CDKN1A: variants seen among roughly 807,000 people sequenced by gnomAD.
CDKN1A encodes the protein cyclin-dependent kinase inhibitor 1.
A neutral mutation model predicts 14.8 loss-of-function variants in CDKN1A; 14 were observed. The observed-to-expected ratio is 0.94, with a 90% CI of 0.62 to 1.48. The LOEUF (loss-of-function observed/expected upper bound fraction) is 1.48. Among genes scored for constraint, CDKN1A ranks in the 40% most tolerant of loss-of-function variants. CDKN1A has a pLI of 0.00. For synonymous variants in CDKN1A, 92 were observed against 93.5 expected (o/e 0.98, Z 0.09); for missense variants, 203 against 231.7 (o/e 0.88, Z 0.80).
At chr6:36,676,840 T>G (rs192874397), upstream of CDKN1A, among the ~76,000 whole-genome samples, 7 of 152,216 alleles carry the variant, frequency 4.6e-5, no homozygotes, top group Admixed American at 4.6e-4. Flanking sequence ...TTAAGAAATA[T>G]TGAATGTCGT....
At chr6:36,677,220 C>T (rs1045221387), upstream of CDKN1A, among the ~76,000 whole-genome samples, 5 of 152,080 alleles carry the variant, frequency 3.3e-5, no homozygotes, top group African/African-American at 7.2e-5. Context: ...GACTCCAGGG[C>T]GAGGCAGGCC....
At position 36,685,822 on chromosome 6, in the gene CDKN1A, G is replaced by C. The variant is rs775069456; in HGVS notation, c.*22G>C. 1.5e-5 allele frequency: 24 copies of C among 1,612,868 alleles called. No homozygotes were observed. In the Admixed American group the frequency reaches 4.0e-4, roughly 27 times the overall value. On this transcript the variant is annotated 3_prime_UTR_variant, in exon 3 of 3. Coordinates refer to ENST00000244741, the MANE Select transcript of CDKN1A (RefSeq NM_000389.5). ...CTAATCCGCCCACAGGAAGCCTGCA[G>C]TCCTGGAAGCGCGAGGGCCTCAAAG...
In CDKN1A at chr6:36,680,307, C is replaced by CGTGTGTGTGTGTGTGTGT. The variant is rs59454180; in HGVS notation, c.-6+1530_-6+1547dup. ...GCGCGCGCGTGCGTGTCTGCGCGGG[C>CGTGTGTGTGTGTGTGTGT]GTGTGTGTGTGTGTGTGTGTGTGTG... is the stretch of plus-strand genomic sequence containing the variant. On this transcript the variant is annotated intron_variant, in intron 1 of 2. Coordinates refer to ENST00000244741, the MANE Select transcript of CDKN1A (RefSeq NM_000389.5). Among the ~76,000 whole-genome samples, 526 of 133,242 alleles carry CGTGTGTGTGTGTGTGTGT rather than the reference C, an allele frequency of 3.9e-3. 13 individuals are homozygous for CGTGTGTGTGTGTGTGTGT. Among genetic ancestry groups the CGTGTGTGTGTGTGTGTGT allele is most frequent in the Non-Finnish European group, 6.2e-3 (385 of 62,452 alleles). The allele number at this position is 133,242 out of a possible 152,430, so 87.4% of individuals were successfully genotyped here. A position where few individuals can be genotyped will look rare whatever the true frequency, so the allele number is the denominator to read the frequency against.
At chr6:36,681,316 C>CTTTCTTTCT (rs1761955622) in intron 1 of CDKN1A, among the ~76,000 whole-genome samples, 1 of 126,774 alleles carries the variant, frequency 7.9e-6, no homozygotes, top group Non-Finnish European at 1.7e-5. Context: ...TTCTTTCTTT[C>CTTTCTTTCT]TTTCTTTCTT....
chr6:36,685,810 A>G lies in CDKN1A; in HGVS notation c.*10A>G, dbSNP rs1396765368. ...CAAGAGGAAGCCCTAATCCGCCCAC[A>G]GGAAGCCTGCAGTCCTGGAAGCGCG... On this transcript the variant is annotated 3_prime_UTR_variant, in exon 3 of 3. Coordinates refer to ENST00000244741, the MANE Select transcript of CDKN1A (RefSeq NM_000389.5). 9 of 1,614,018 alleles carry G rather than the reference A, an allele frequency of 5.6e-6. No homozygotes were observed. Among genetic ancestry groups the G allele is most frequent in the Non-Finnish European group, 7.6e-6 (9 of 1,179,876 alleles).
chr6:36,684,097 G>C lies in CDKN1A; in HGVS notation c.-5G>C, dbSNP rs987429961. ...GGCCTTCCTTGTATCTCTGCTGCAG[G>C]CGCCATGTCAGAACCGGCTGGGGAT... On this transcript the variant is annotated splice_region_variant and 5_prime_UTR_variant, in exon 2 of 3. Coordinates refer to ENST00000244741, the MANE Select transcript of CDKN1A (RefSeq NM_000389.5). The surrounding 1 kb of genome is among the most constrained non-coding windows in gnomAD (Gnocchi z 6.0). 1.9e-6 allele frequency: 3 copies of C among 1,613,316 alleles called. No individual in the cohort carries two copies. The highest frequency in any genetic ancestry group is 1.7e-6 in the Non-Finnish European group (2 of 1,179,968).
In CDKN1A at chr6:36,678,762, G is replaced by A; in HGVS notation, c.-42G>A. On this transcript the variant is annotated 5_prime_UTR_variant, in exon 1 of 3. Transcript: ENST00000244741. The surrounding 1 kb of genome is among the most constrained non-coding windows in gnomAD (Gnocchi z 5.7). ...CAGTTCCTTGTGGAGCCGGAGCTGG[G>A]CGCGGATTCGCCGAGGCACCGAGGC... 1.0e-6 allele frequency: 1 copy of A among 985,794 alleles called. No homozygotes were observed. Among genetic ancestry groups the A allele is most frequent in the Non-Finnish European group, 1.2e-6 (1 of 830,186 alleles). The allele number at this position is 985,794 out of a possible 1,614,324, so 61.1% of individuals were successfully genotyped here.
rs1762243441 is a variant in CDKN1A, at chr6:36,687,284, A to G, written c.*1484A>G. 8.6e-6 allele frequency: 2 copies of G among 232,836 alleles called. No homozygotes were observed. Among genetic ancestry groups the G allele is most frequent in the African/African-American group, 4.4e-5 (2 of 45,302 alleles). 14.4% of individuals were successfully genotyped at this position (232,836 alleles called of 1,614,324 possible). Reference sequence around the variant, plus strand: ...CTGTGTCTTTCACAGCTCCTCCCACAATGCTGAATATACAGCAGGTGCTCA... The same window carrying G: ...CTGTGTCTTTCACAGCTCCTCCCACGATGCTGAATATACAGCAGGTGCTCA... On this transcript the variant is annotated 3_prime_UTR_variant, in exon 3 of 3. Coordinates refer to ENST00000244741, the MANE Select transcript of CDKN1A (RefSeq NM_000389.5).
upstream of CDKN1A, chr6:36,677,854 G>A (rs1761745105): frequency 2.2e-6 from 3 of 1,366,684 alleles, no homozygotes; most frequent in South Asian, 2.4e-5. Flanking sequence ...GAGTATTCAG[G>A]AGACAGACAA....
At chr6:36,680,772 C>T (rs1055993807) in intron 1 of CDKN1A, 2 of 152,230 alleles carry the variant, frequency 1.3e-5, no homozygotes, top group Admixed American at 6.5e-5. Flanking sequence ...ACAGTATTCA[C>T]TGAGCTCTTA....
chr6:36,679,692 C>T (rs1347722882), intron 1 of CDKN1A, among the ~76,000 whole-genome samples: 2 of 152,202 alleles, frequency 1.3e-5, no homozygotes, highest in South Asian at 2.1e-4. Flanking sequence ...CTGCTCTGGG[C>T]GGGCTCTAAC....
At chr6:36,679,057 T>C (rs2150305460) in intron 1 of CDKN1A, 1 of 863,744 alleles carries the variant, frequency 1.2e-6, no homozygotes, top group South Asian at 5.3e-5. Context: ...GGATTACAAG[T>C]ACAGGAATCC....
At position 36,684,194 on chromosome 6, in the gene CDKN1A, C is replaced by A. The variant is rs1801270; in HGVS notation, c.93C>A (p.Ser31Arg). The change falls in exon 2 of 3, where the codon AGC becomes AGA. Residue 31 changes from serine to arginine, a missense_variant. Coordinates refer to ENST00000244741, the MANE Select transcript of CDKN1A (RefSeq NM_000389.5). This position sits in a 1 kb window ranked among gnomAD's most constrained non-coding sequence, Gnocchi z 6.0. ...GCCCAGTGGACAGCGAGCAGCTGAG[C>A]CGCGACTGTGATGCGCTAATGGCGG... ...LFGPVDSEQLSRDCDALMAGC... is the reference protein window; with the variant it reads ...LFGPVDSEQLRRDCDALMAGC... 159,422 of 1,611,622 alleles carry A rather than the reference C, an allele frequency of 0.099. 14,561 individuals are homozygous for A. The highest frequency in any genetic ancestry group is 0.48 in the East Asian group (21,576 of 44,844).
At chr6:36,683,898 C>G (rs1013354473) in intron 1 of CDKN1A, among the ~76,000 whole-genome samples, 199 bp from the exon 2 acceptor site, 1 of 152,234 alleles carries the variant, frequency 6.6e-6, no homozygotes, top group Non-Finnish European at 1.5e-5. Flanking sequence ...TCCCAGTGAC[C>G]TTGGTGTGCC....
At chr6:36,685,285 A>C (rs1344052357) in intron 2 of CDKN1A, among the ~76,000 whole-genome samples, 12 of 152,196 alleles carry the variant, frequency 7.9e-5, no homozygotes, top group Non-Finnish European at 1.6e-4. Flanking sequence ...ATTGTGCTGA[A>C]CACTTTCATG....
intron 1 of CDKN1A, chr6:36,680,697 T>C (rs1582568846): frequency 6.6e-6 from 1 of 151,628 alleles, no homozygotes; most frequent in African/African-American, 2.4e-5. Context: ...CGGCTACTCC[T>C]GGGCTCATCC....
chr6:36,687,071 C>T lies in CDKN1A; in HGVS notation c.*1271C>T, dbSNP rs1426782231. On this transcript the variant is annotated 3_prime_UTR_variant, in exon 3 of 3. Transcript: ENST00000244741. ...GAGTAGTTGTCTTTCCTGGCACTAACGTTGAGCCCCTGGAGGCACTGAAGT... is the reference window on the plus strand; with the variant it reads ...GAGTAGTTGTCTTTCCTGGCACTAATGTTGAGCCCCTGGAGGCACTGAAGT... The T allele has an allele frequency of 1.3e-5, 3 of 233,218 alleles. No homozygotes were observed. The highest frequency in any genetic ancestry group is 2.5e-5 in the Non-Finnish European group (3 of 118,078). 14.4% of individuals were successfully genotyped at this position (233,218 alleles called of 1,614,324 possible). A position where few individuals can be genotyped will look rare whatever the true frequency, so the allele number is the denominator to read the frequency against.
chr6:36,680,266 G>C (rs755239261), intron 1 of CDKN1A, among the ~76,000 whole-genome samples: 54 of 151,706 alleles, frequency 3.6e-4, no homozygotes, highest in Non-Finnish European at 7.2e-4. Flanking sequence ...AAGGTGGAGG[G>C]GCCGGCTCCC....
At chr6:36,679,337 A>G (rs1377827270) in intron 1 of CDKN1A, among the ~76,000 whole-genome samples, 1 of 152,150 alleles carries the variant, frequency 6.6e-6, no homozygotes, top group Non-Finnish European at 1.5e-5. Context: ...CCTTTACGCC[A>G]CTGTGTCCAC....
Sources: allele counts gnomAD v4.1 joint callset (sites outside exome capture counted in the v4.1 genomes callset), GRCh38; gene constraint gnomAD v4.1.1; non-coding constraint Gnocchi (gnomAD v3.1); transcripts MANE v1.5; gene names NCBI Gene and HGNC (gene_info 2026-07-23, HGNC 2026-07-21).